Variants in ADAMTS16 observed in about 807,000 individuals in gnomAD.
ADAMTS16 encodes A disintegrin and metalloproteinase with thrombospondin motifs 16.
A neutral mutation model predicts 145.8 loss-of-function variants in ADAMTS16; 94 were observed. The ratio of observed to expected loss-of-function variants is 0.64; its 90% CI spans 0.55 to 0.77. The LOEUF is 0.77. Among genes scored for constraint, ADAMTS16 ranks in the 30% least tolerant of loss-of-function variants. ADAMTS16 has a pLI of 0.00. For missense variants in ADAMTS16, 1,585 were observed against 1,591.5 expected, an observed-to-expected ratio of 1.00 and a Z score of 0.07; for synonymous variants, 659 against 604.3, an observed-to-expected ratio of 1.09 and a Z score of -1.33.
At chr5:5,232,147 C>T (rs1736944610) in intron 11 of ADAMTS16, among the ~76,000 whole-genome samples, 1 of 151,132 alleles carries the variant, frequency 6.6e-6, no homozygotes, top group Non-Finnish European at 1.5e-5. Context: ...TATTCATTTT[C>T]CCTGTATGTG....
At chr5:5,313,309 C>T (rs939950674) in intron 21 of ADAMTS16, among the ~76,000 whole-genome samples, 4 of 152,196 alleles carry the variant, frequency 2.6e-5, no homozygotes, top group Non-Finnish European at 5.9e-5. Context: ...ACTTTGCCAC[C>T]AGACAGGCTT....
intron 17 of ADAMTS16, among the ~76,000 whole-genome samples, chr5:5,245,405 A>G (rs1737410379): frequency 6.6e-6 from 1 of 152,182 alleles, no homozygotes; most frequent in South Asian, 2.1e-4. Flanking sequence ...CTCATTTCTT[A>G]GAGGGTGAGG....
At chr5:5,190,249 A>AGTCTTTACACCTTCACT in intron 7 of ADAMTS16, 119 bp downstream of exon 7, 1 of 1,107,978 alleles carries the variant, frequency 9.0e-7, no homozygotes, top group Non-Finnish European at 1.2e-6. Flanking sequence ...CTTCTTAGTG[A>AGTCTTTACACCTTCACT]AGGTGTAAAG....
intron 18 of ADAMTS16, among the ~76,000 whole-genome samples, chr5:5,267,252 GCTCTT>G (rs1738274351): frequency 6.6e-6 from 1 of 152,180 alleles, no homozygotes; most frequent in South Asian, 2.1e-4. Context: ...GTTACGGTGT[GCTCTT>G]CTAAGTTTGT....
intron 16 of ADAMTS16, among the ~76,000 whole-genome samples, chr5:5,241,706 G>T (rs531708372): frequency 2.0e-5 from 3 of 152,302 alleles, no homozygotes; most frequent in African/African-American, 7.2e-5. Flanking sequence ...GGATGTATCA[G>T]ATTATCACAT....
At chr5:5,145,026 A>T (rs1406780052) in intron 2 of ADAMTS16, among the ~76,000 whole-genome samples, 1 of 152,158 alleles carries the variant, frequency 6.6e-6, no homozygotes, top group Admixed American at 6.5e-5. Flanking sequence ...TCCGAAAACA[A>T]CTGGGGCCTC....
chr5:5,319,950 G>A lies in ADAMTS16; in HGVS notation c.*812G>A, dbSNP rs16875320. 0.03 allele frequency: 13,427 copies of A among 454,490 alleles called. 633 individuals carry two copies. Among genetic ancestry groups the A allele is most frequent in the East Asian group, 0.16 (2,315 of 14,384 alleles). The allele number at this position is 454,490 out of a possible 1,614,324, so 28.2% of individuals were successfully genotyped here. A position where few individuals can be genotyped will look rare whatever the true frequency, so the allele number is the denominator to read the frequency against. Reference sequence around the variant, plus strand: ...TGCTTTTCTTTGTAAATGACAGATCGAAGTATAGGTTACATCAAAACCCTA... The same window carrying A: ...TGCTTTTCTTTGTAAATGACAGATCAAAGTATAGGTTACATCAAAACCCTA... On this transcript the variant is annotated 3_prime_UTR_variant, in exon 23 of 23. Coordinates refer to ENST00000274181, the MANE Select transcript of ADAMTS16 (RefSeq NM_139056.4).
chr5:5,234,070 A>G (rs1341423435), intron 12 of ADAMTS16, among the ~76,000 whole-genome samples: 2 of 152,142 alleles, frequency 1.3e-5, no homozygotes, highest in African/African-American at 4.8e-5. Context: ...TTTGCCCTTA[A>G]GCTTGTTTAA....
intron 11 of ADAMTS16, among the ~76,000 whole-genome samples, chr5:5,231,923 T>C (rs1430366665): frequency 6.6e-6 from 1 of 152,060 alleles, no homozygotes; most frequent in African/African-American, 2.4e-5. Flanking sequence ...GGGCCTGAAA[T>C]GACAAGGTGT....
chr5:5,182,190 C>T lies in ADAMTS16; in HGVS notation c.648C>T (p.Ala216=). The T allele has an allele frequency of 6.2e-7, 1 of 1,614,146 alleles. No homozygotes were observed. The highest frequency in any genetic ancestry group is 8.5e-7 in the Non-Finnish European group (1 of 1,180,032). ...KRSTEPHAPG[A]SEVLVTSRTW... Reference sequence around the variant, plus strand: ...CCACAGAGCCCCATGCTCCTGGGGCCAGTGAGGTCCTGGTGACCTCAAGGA... The same window carrying T: ...CCACAGAGCCCCATGCTCCTGGGGCTAGTGAGGTCCTGGTGACCTCAAGGA... Residue 216 remains alanine, a synonymous_variant, in exon 4 of 23, where the codon GCC becomes GCT. Coordinates refer to ENST00000274181, the MANE Select transcript of ADAMTS16 (RefSeq NM_139056.4).
At chr5:5,188,129 G>A (rs951414944) in intron 6 of ADAMTS16, among the ~76,000 whole-genome samples, 4 of 152,202 alleles carry the variant, frequency 2.6e-5, no homozygotes, top group African/African-American at 7.2e-5. Context: ...CTTAGCCATC[G>A]TGAGCTTTCA....
At chr5:5,287,986 G>A (rs1739165878) in intron 18 of ADAMTS16, among the ~76,000 whole-genome samples, 1 of 152,160 alleles carries the variant, frequency 6.6e-6, no homozygotes, top group Non-Finnish European at 1.5e-5. Flanking sequence ...TCAAGAGCCT[G>A]GAGAAGATCA....
chr5:5,261,976 A>G (rs1738052434), intron 17 of ADAMTS16, among the ~76,000 whole-genome samples: 1 of 152,156 alleles, frequency 6.6e-6, no homozygotes, highest in African/African-American at 2.4e-5. Flanking sequence ...TTCTATCTCA[A>G]TGAATTGACT....
chr5:5,191,747 G>A lies in ADAMTS16; in HGVS notation c.1270G>A (p.Gly424Ser). The change falls in exon 8 of 23, where the codon GGT becomes AGT. Residue 424 changes from glycine to serine, a missense_variant. By Grantham distance (56) the Gly-to-Ser change is moderately conservative. Transcript: ENST00000274181. The stretch of plus-strand genomic sequence containing the variant: ...CAGCTGCACGATTAATGAAGATACA[G>A]GTCTTGGACTGGCCTTCACCATTGC... The part of the protein sequence containing the change: ...YRSCTINEDT[G>S]LGLAFTIAHE... The A allele has an allele frequency of 6.2e-7, 1 of 1,613,732 alleles. No individual in the cohort carries two copies. Among genetic ancestry groups the A allele is most frequent in the Non-Finnish European group, 8.5e-7 (1 of 1,179,770 alleles).
chr5:5,194,932 G>A (rs1735762053), intron 8 of ADAMTS16, among the ~76,000 whole-genome samples: 1 of 152,104 alleles, frequency 6.6e-6, no homozygotes, highest in Admixed American at 6.5e-5. Flanking sequence ...ACATTCGGAG[G>A]ACATTATTTG....
At chr5:5,227,421 TC>T (rs1736798856) in intron 11 of ADAMTS16, among the ~76,000 whole-genome samples, 1 of 152,164 alleles carries the variant, frequency 6.6e-6, no homozygotes, top group African/African-American at 2.4e-5. Context: ...TCCGTGGAAA[TC>T]TATATATATA....
intron 8 of ADAMTS16, among the ~76,000 whole-genome samples, chr5:5,198,039 T>A (rs1735854292): frequency 6.6e-6 from 1 of 152,224 alleles, no homozygotes; most frequent in East Asian, 1.9e-4. Flanking sequence ...TTGAAAATAC[T>A]TTAAATGTAA....
chr5:5,169,434 T>C (rs368052732), intron 3 of ADAMTS16, among the ~76,000 whole-genome samples: 1 of 152,168 alleles, frequency 6.6e-6, no homozygotes, highest in East Asian at 1.9e-4. Context: ...GGAATTTTGT[T>C]TTCCATGTTA....
chr5:5,265,223 AAGGTGGTC>A (rs577611724), intron 18 of ADAMTS16, among the ~76,000 whole-genome samples: 93 of 152,360 alleles, frequency 6.1e-4, no homozygotes, highest in African/African-American at 2.2e-3. Flanking sequence ...AACACTAGGT[AAGGTGGTC>A]AGGACAGATT....
Sources: allele counts gnomAD v4.1 joint callset (sites outside exome capture counted in the v4.1 genomes callset), GRCh38; gene constraint gnomAD v4.1.1; transcripts MANE v1.5; gene names NCBI Gene and HGNC (gene_info 2026-07-23, HGNC 2026-07-21).